Variants in REXO1 observed in about 807,000 individuals in gnomAD.
REXO1 encodes RNA exonuclease 1 homolog, also known as REX1, RNA exonuclease 1 homolog.
A neutral mutation model predicts 102.6 loss-of-function variants in REXO1; 42 were observed. That is an observed-to-expected ratio of 0.41 (90% CI 0.32 to 0.53). The LOEUF (loss-of-function observed/expected upper bound fraction) is 0.53, where lower values mean the gene tolerates loss of function less well. Among genes scored for constraint, REXO1 ranks in the 20% least tolerant of loss-of-function variants. The probability of loss-of-function intolerance (pLI) is 0.27; values close to 1 mark genes in which losing one functional copy is unlikely to be tolerated. For missense variants in REXO1, 1,819 were observed against 1,732.5 expected, an observed-to-expected ratio of 1.05 and a Z score of -0.89; for synonymous variants, 908 against 779.1, an observed-to-expected ratio of 1.17 and a Z score of -2.76.
chr19:1,825,875 C>A lies in REXO1; in HGVS notation c.1980G>T (p.Lys660Asn), dbSNP rs193012234. The A allele has an allele frequency of 2.5e-6, 4 of 1,613,638 alleles. No homozygotes were observed. The East Asian group carries it at 8.9e-5, about 36-fold the overall frequency. ...SGLTTLFPGQ[K>N]RRISHLSKQG... is the part of the protein sequence containing the mutation. Reference sequence around the variant, plus strand: ...GCTTGGAAAGGTGGGAGATCCTCCTCTTCTGCCCGGGGAACAGAGTGGTCA... The same window carrying A: ...GCTTGGAAAGGTGGGAGATCCTCCTATTCTGCCCGGGGAACAGAGTGGTCA... Residue 660 changes from lysine (K) to asparagine (N), a missense_variant, in exon 3 of 16, where the codon AAG (lysine) becomes AAT (asparagine). Physicochemically the swap from Lys to Asn is moderately conservative, Grantham distance 94. Transcript: ENST00000170168.
At chr19:1,829,033 G>A (rs1291836795) in intron 1 of REXO1, among the ~76,000 whole-genome samples, 1 of 152,252 alleles carries the variant, frequency 6.6e-6, no homozygotes, top group Non-Finnish European at 1.5e-5. Context: ...ACTGGGCTGG[G>A]CCGACAACCA....
rs1289012701 is a variant in REXO1 at position 1,818,708 on chromosome 19, T to C, written c.2900A>G (p.Asp967Gly). The stretch of plus-strand genomic sequence containing the variant: ...GCCGTCGCAGGCCAGCGACTCACAG[T>C]CCTTGGGCCTCTTCTCCTCAGCTGT... ...IFTAEEKRPK[D>G]SSCRTCCRCG... Residue 967 changes from aspartate to glycine, a missense_variant and splice_region_variant, in exon 9 of 16, where the codon GAC becomes GGC. By Grantham distance (94) the Asp-to-Gly change is moderately conservative. Transcript: ENST00000170168. 6.2e-7 allele frequency: 1 copy of C among 1,610,946 alleles called. No homozygotes were observed. The highest frequency in any genetic ancestry group is 8.5e-7 in the Non-Finnish European group (1 of 1,179,832).
At position 1,820,255 on chromosome 19, in the gene REXO1, G is replaced by A. The variant is rs759220120; in HGVS notation, c.2526+9C>T. On this transcript the variant is annotated intron_variant, in intron 6 of 15. Coordinates refer to ENST00000170168, the MANE Select transcript of REXO1 (RefSeq NM_020695.4). ...CCCGACCGGCCAGATAGGAACTCCA[G>A]GACCTCACCTTCTCTATGGCCTCCT... 19 of 1,611,030 alleles carry A rather than the reference G, an allele frequency of 1.2e-5. No homozygotes were observed. Among genetic ancestry groups the A allele is most frequent in the Non-Finnish European group, 1.5e-5 (18 of 1,178,642 alleles).
rs2011667594 is a variant in REXO1 at position 1,848,450 on chromosome 19, G to A, written c.-92C>T. 1 of 969,788 alleles carries A rather than the reference G, an allele frequency of 1.0e-6. No homozygotes were observed. The highest frequency in any genetic ancestry group is 1.3e-6 in the Non-Finnish European group (1 of 794,418). 60.1% of individuals were successfully genotyped at this position (969,788 alleles called of 1,614,324 possible). On this transcript the variant is annotated 5_prime_UTR_variant, in exon 1 of 16. Transcript: ENST00000170168. The stretch of plus-strand genomic sequence containing the variant: ...CGGTCGCCGCCGCCCGCGCCTCACG[G>A]ACCCCGCCGCCGCCATCTTGCTCCG...
chr19:1,817,650 T>C, intron 11 of REXO1, 57 bp downstream of exon 11: 4 of 1,546,880 alleles, frequency 2.6e-6, no homozygotes, highest in Non-Finnish European at 3.5e-6. Context: ...ACACCAACGA[T>C]GGGGAGGCAG....
intron 8 of REXO1, 71 bp from the exon 9 acceptor site, chr19:1,818,914 C>A (rs770400045): frequency 2.7e-5 from 43 of 1,582,020 alleles, no homozygotes; most frequent in Non-Finnish European, 3.2e-5. Flanking sequence ...CCGGGAAAGG[C>A]GGCTGGGCCG....
chr19:1,818,930 G>A, intron 8 of REXO1, 87 bp from the exon 9 acceptor site: 1 of 1,572,290 alleles, frequency 6.4e-7, no homozygotes, highest in South Asian at 1.1e-5. Context: ...GGCCGGCAGG[G>A]GCCCACGAAG....
At position 1,816,065 on chromosome 19, in the gene REXO1, G is replaced by A. The variant is rs199597990; in HGVS notation, c.*1C>T. ...AGAGGCGGGTGGGAGGCGGGCAGGC[G>A]TCATCGCTTGGTCTTGGCGTCTTCT... On this transcript the variant is annotated 3_prime_UTR_variant, in exon 16 of 16. Transcript: ENST00000170168. The A allele has an allele frequency of 2.7e-5, 42 of 1,542,138 alleles. No individual in the cohort carries two copies. The highest frequency in any genetic ancestry group is 7.3e-5 in the East Asian group (3 of 40,906).
Position 1,825,884 on chromosome 19 carries a change from G to A in REXO1, c.1971C>T (p.Pro657=), listed in dbSNP as rs567534715. Residue 657 remains proline, a synonymous_variant, in exon 3 of 16, where the codon CCC becomes CCT. Transcript: ENST00000170168. Reference sequence around the variant, plus strand: ...GGTGGGAGATCCTCCTCTTCTGCCCGGGGAACAGAGTGGTCAGACCCGAAA... The same window carrying A: ...GGTGGGAGATCCTCCTCTTCTGCCCAGGGAACAGAGTGGTCAGACCCGAAA... ...KGLSGLTTLF[P]GQKRRISHLS... 1.2e-4 allele frequency: 200 copies of A among 1,613,254 alleles called. No individual in the cohort carries two copies. The highest frequency in any genetic ancestry group is 2.0e-4 in the Admixed American group (12 of 59,956).
intron 1 of REXO1, among the ~76,000 whole-genome samples, chr19:1,846,421 G>C (rs1435840685): frequency 6.6e-6 from 1 of 152,222 alleles, no homozygotes; most frequent in Non-Finnish European, 1.5e-5. Context: ...GATGGGAAAA[G>C]GAGTTCATTC....
At chr19:1,837,034 C>A (rs115068941) in intron 1 of REXO1, among the ~76,000 whole-genome samples, 1 of 152,222 alleles carries the variant, frequency 6.6e-6, no homozygotes, top group African/African-American at 2.4e-5. Flanking sequence ...GCCATCTGGG[C>A]GGCCTGAGGC....
Position 1,815,605 on chromosome 19 carries a change from G to A in REXO1, c.*461C>T, listed in dbSNP as rs1405611960. ...GCAGCAGGCCCGCTCTTCCCGGTGG[G>A]AAAGATGCTGTGCAAGTCATCAGGT... On this transcript the variant is annotated 3_prime_UTR_variant, in exon 16 of 16. Transcript: ENST00000170168. The surrounding 1 kb of genome is among the most constrained non-coding windows in gnomAD (Gnocchi z 4.0). The A allele has an allele frequency of 5.8e-6, 6 of 1,030,702 alleles. No homozygotes were observed. In the African/African-American group the frequency reaches 6.7e-5, roughly 12 times the overall value. 63.8% of individuals were successfully genotyped at this position (1,030,702 alleles called of 1,614,324 possible). A position where few individuals can be genotyped will look rare whatever the true frequency, so the allele number is the denominator to read the frequency against.
At chr19:1,841,449 G>A (rs565083158) in intron 1 of REXO1, among the ~76,000 whole-genome samples, 2 of 152,326 alleles carry the variant, frequency 1.3e-5, no homozygotes, top group Non-Finnish European at 2.9e-5. Flanking sequence ...CAGCCCGCAC[G>A]ACGCTTCCCG....
intron 1 of REXO1, 134 bp from the exon 2 acceptor site, chr19:1,828,765 A>G: frequency 8.2e-7 from 1 of 1,220,606 alleles, no homozygotes; most frequent in Non-Finnish European, 1.1e-6. Flanking sequence ...GGCGCCCGCC[A>G]AGGCTCTGGG....
At position 1,820,039 on chromosome 19, in the gene REXO1, C is replaced by A. The variant is rs1252134160; in HGVS notation, c.2545G>T (p.Val849Leu). The change falls in exon 7 of 16, where the codon GTG (valine) becomes TTG (leucine). Residue 849 changes from valine to leucine, a missense_variant. Physicochemically the swap from Val to Leu is conservative, Grantham distance 32. Transcript: ENST00000170168. ...TTGCTGGGGCTGCGGTCATAGGCCACCTTCTCCTCGTTCAGTGCCTGGGGG... is the reference window on the plus strand; with the variant it reads ...TTGCTGGGGCTGCGGTCATAGGCCAACTTCTCCTCGTTCAGTGCCTGGGGG... The part of the protein sequence containing the change: ...AIEKALNEEK[V>L]AYDRSPSKNI... 8.1e-6 allele frequency: 13 copies of A among 1,604,058 alleles called. No homozygotes were observed. The highest frequency in any genetic ancestry group is 1.1e-5 in the Non-Finnish European group (13 of 1,177,388).
Position 1,816,832 on chromosome 19 carries a change from C to A in REXO1, c.3202-19G>T, listed in dbSNP as rs767452047. On this transcript the variant is annotated intron_variant, in intron 12 of 15. Coordinates refer to ENST00000170168, the MANE Select transcript of REXO1 (RefSeq NM_020695.4). Reference sequence around the variant, plus strand: ...TGTAGGACTGCGGGCAAGGGATGCACCTCAGATGTGTCCCAGGCACCGGCC... The same window carrying A: ...TGTAGGACTGCGGGCAAGGGATGCAACTCAGATGTGTCCCAGGCACCGGCC... 32 of 1,569,142 alleles carry A rather than the reference C, an allele frequency of 2.0e-5. No individual in the cohort carries two copies. The African/African-American group carries it at 3.4e-4, about 17-fold the overall frequency.
intron 1 of REXO1, among the ~76,000 whole-genome samples, chr19:1,845,872 C>A (rs2011514382): frequency 6.6e-6 from 1 of 152,172 alleles, no homozygotes; most frequent in African/African-American, 2.4e-5. Context: ...TCATCAGATG[C>A]CCTCTCCTTC....
intron 1 of REXO1, among the ~76,000 whole-genome samples, chr19:1,840,914 C>G (rs571369287): frequency 1.3e-5 from 2 of 152,210 alleles, no homozygotes; most frequent in African/African-American, 2.4e-5. Context: ...CAGCTCGTCC[C>G]GAGTCCTCCC....
At position 1,816,556 on chromosome 19, in the gene REXO1, TC is replaced by T. The variant is rs757467525; in HGVS notation, c.3330del (p.Thr1111ArgfsTer20). The T allele has an allele frequency of 6.9e-7, 1 of 1,454,530 alleles. No individual in the cohort carries two copies. The highest frequency in any genetic ancestry group is 9.2e-7 in the Non-Finnish European group (1 of 1,085,792). 90.1% of individuals were successfully genotyped at this position (1,454,530 alleles called of 1,614,324 possible). A position where few individuals can be genotyped will look rare whatever the true frequency, so the allele number is the denominator to read the frequency against. The part of the protein sequence containing the change: ...IVDYNTRFSG[V>X]TEADLADTSV... ...CTTGTGTCGGCAAGGTCAGCCTCCG[TC>T]ACCCCCGAAAACCTGGGGGAACGGG... On this transcript the variant is annotated frameshift_variant, in exon 14 of 16. Coordinates refer to ENST00000170168, the MANE Select transcript of REXO1 (RefSeq NM_020695.4). LOFTEE classifies it high-confidence loss of function.
Sources: allele counts gnomAD v4.1 joint callset (sites outside exome capture counted in the v4.1 genomes callset), GRCh38; gene constraint gnomAD v4.1.1; non-coding constraint Gnocchi (gnomAD v3.1); transcripts MANE v1.5; gene names NCBI Gene and HGNC (gene_info 2026-07-23, HGNC 2026-07-21).